RELA: variants seen among roughly 807,000 people sequenced by gnomAD.
RELA encodes transcription factor p65.
RELA carries 14 observed loss-of-function variants against 56.7 expected under a neutral mutation model. The ratio of observed to expected loss-of-function variants is 0.25; its 90% CI spans 0.16 to 0.39. The LOEUF is 0.39. RELA is among the 10% of genes least tolerant of loss of function. The pLI is 1.00. For missense variants in RELA, 559 were observed against 736.4 expected (o/e 0.76, Z 2.79); for synonymous variants, 315 against 289.7 (o/e 1.09, Z -0.89).
chr11:65,662,958 C>T (rs1442277485), upstream of RELA: 45 of 796,778 alleles, frequency 5.6e-5, no homozygotes, highest in Non-Finnish European at 7.0e-5. Context: ...CGGAATCCGG[C>T]CGCGCCTGCG....
At chr11:65,655,818 C>T (rs1273689956) in intron 9 of RELA, 37 bp downstream of exon 9, 2 of 1,613,318 alleles carry the variant, frequency 1.2e-6, no homozygotes, top group African/African-American at 1.3e-5. Flanking sequence ...TCCCTGCCCG[C>T]TGCCTTCCTC....
At position 65,662,059 on chromosome 11, in the gene RELA, C is replaced by T; in HGVS notation, c.64G>A (p.Glu22Lys). 3 of 1,612,500 alleles carry T rather than the reference C, an allele frequency of 1.9e-6. No homozygotes were observed. The highest frequency in any genetic ancestry group is 2.5e-6 in the Non-Finnish European group (3 of 1,179,522). ...CGCTGCTTGGGCTGCTCAATGATCTCCACATAGGGGCCAGAGGCCTGGGCT... is the reference window on the plus strand; with the variant it reads ...CGCTGCTTGGGCTGCTCAATGATCTTCACATAGGGGCCAGAGGCCTGGGCT... ...EPAQASGPYV[E>K]IIEQPKQRGM... The change falls in exon 3 of 11, where the codon GAG becomes AAG. Residue 22 changes from glutamate to lysine, a missense_variant. Glu to Lys is a moderately conservative substitution (Grantham distance 56, BLOSUM62 1). Around this residue, in one of 4 missense-constraint regions of RELA, gnomAD observed 24 missense variants for 75.5 expected, o/e 0.32. Coordinates refer to ENST00000406246, the MANE Select transcript of RELA (RefSeq NM_021975.4).
rs139411851 is a variant in RELA, at chr11:65,656,615, G to GC, written c.878-681dup. 3.2e-3 allele frequency among the ~76,000 whole-genome samples: 486 copies of GC among 152,326 alleles called. 4 individuals carry two copies. The highest frequency in any genetic ancestry group is 0.011 in the African/African-American group (451 of 41,582). On this transcript the variant is annotated intron_variant, in intron 8 of 10. Coordinates refer to ENST00000406246, the MANE Select transcript of RELA (RefSeq NM_021975.4). ...TATATTTATCAAGCACCTACTATGT[G>GC]CCAGCCTCCCTTCTAGACACTGGGG...
At position 65,659,725 on chromosome 11, in the gene RELA, T is replaced by G. The variant is rs1590936944; in HGVS notation, c.500A>C (p.Asp167Ala). The change falls in exon 6 of 11, where the codon GAC becomes GCC. Residue 167 changes from aspartate to alanine, a missense_variant. Around this residue, in one of 4 missense-constraint regions of RELA, gnomAD observed 149 missense variants for 256.0 expected, o/e 0.58. Transcript: ENST00000406246. ...CAGGCGGAGGGGCCTGCCTGATGGG[T>G]CCCGCACTGTCACCTGGAAGCAGAG... The part of the protein sequence containing the change: ...VRLCFQVTVR[D>A]PSGRPLRLPP... The G allele has an allele frequency of 6.2e-7, 1 of 1,613,854 alleles. No individual in the cohort carries two copies. Among genetic ancestry groups the G allele is most frequent in the East Asian group, 2.2e-5 (1 of 44,876 alleles).
At position 65,661,958 on chromosome 11, in the gene RELA, G is replaced by A. The variant is rs1469816938; in HGVS notation, c.165C>T (p.Thr55=). ...TGACCTTGATGGTGGGGTGGGTCTT[G>A]GTGGTATCTGTGCTCCTCTCGCCTG... is the stretch of plus-strand genomic sequence containing the variant. ...SIPGERSTDT[T]KTHPTIKING... is the part of the protein sequence containing the mutation. Residue 55 remains threonine (T), a synonymous_variant, in exon 3 of 11, where the codon ACC becomes ACT. Transcript: ENST00000406246. The A allele has an allele frequency of 2.5e-6, 4 of 1,613,700 alleles. No individual in the cohort carries two copies. Among genetic ancestry groups the A allele is most frequent in the Non-Finnish European group, 3.4e-6 (4 of 1,179,916 alleles).
intron 8 of RELA, among the ~76,000 whole-genome samples, chr11:65,656,881 C>T (rs112930381): frequency 0.041 from 6,264 of 152,100 alleles, 444 homozygotes; most frequent in African/African-American, 0.14. Context: ...AAAAATTAGC[C>T]GGATGTGGTG....
rs1294624505 is a variant in RELA, at chr11:65,662,898, A to G, written c.-66T>C. The G allele has an allele frequency of 8.6e-7, 1 of 1,164,808 alleles. No homozygotes were observed. Among genetic ancestry groups the G allele is most frequent in the Non-Finnish European group, 1.1e-6 (1 of 940,820 alleles). The allele number at this position is 1,164,808 out of a possible 1,614,324, so 72.2% of individuals were successfully genotyped here. A position where few individuals can be genotyped will look rare whatever the true frequency, so the allele number is the denominator to read the frequency against. ...CCGCGGCGTGCACTACAGACGAGCC[A>G]TTCGCCAGAGGCGGAAATGCGCCGC... On this transcript the variant is annotated 5_prime_UTR_variant, in exon 1 of 11. The change abolishes an upstream ATG in the 5' untranslated region. Coordinates refer to ENST00000406246, the MANE Select transcript of RELA (RefSeq NM_021975.4).
intron 1 of RELA, 39 bp downstream of exon 1, chr11:65,662,787 C>T: frequency 8.4e-7 from 1 of 1,197,262 alleles, no homozygotes; most frequent in Non-Finnish European, 1.0e-6. Context: ...CGCGGCGGCC[C>T]CGGCGATGCC....
chr11:65,661,480 C>T, intron 4 of RELA: 1 of 483,608 alleles, frequency 2.1e-6, no homozygotes, highest in East Asian at 3.1e-5. Context: ...TGATTAGGGA[C>T]CCATCCGTAT....
In RELA at chr11:65,662,164, G is replaced by C. The variant is rs1193103737; in HGVS notation, c.34+15C>G. On this transcript the variant is annotated intron_variant, in intron 2 of 10. Coordinates refer to ENST00000406246, the MANE Select transcript of RELA (RefSeq NM_021975.4). ...CCCAGGGAGCACCTCCCCGACCGCCGCGGGGGCCACTTACCTGCCGGGAAG... is the reference window on the plus strand; with the variant it reads ...CCCAGGGAGCACCTCCCCGACCGCCCCGGGGGCCACTTACCTGCCGGGAAG... 6.3e-7 allele frequency: 1 copy of C among 1,589,110 alleles called. No homozygotes were observed.
intron 4 of RELA, 132 bp downstream of exon 4, chr11:65,661,555 T>C: frequency 1.3e-6 from 1 of 784,042 alleles, no homozygotes; most frequent in Non-Finnish European, 2.0e-6. Context: ...GGCAGTTTAC[T>C]TGCAGAGCTG....
At chr11:65,660,526 A>G (rs987692071) in intron 4 of RELA, 4 of 372,986 alleles carry the variant, frequency 1.1e-5, no homozygotes, top group African/African-American at 2.1e-5. Flanking sequence ...TCGGCTTGGA[A>G]TGTTCTTTTC....
At chr11:65,659,899 G>C in intron 5 of RELA, 102 bp from the exon 6 acceptor site, 1 of 1,437,720 alleles carries the variant, frequency 7.0e-7, no homozygotes. Context: ...TGGTGCGTGT[G>C]TGAAACACAA....
chr11:65,662,632 C>T, intron 1 of RELA, 194 bp downstream of exon 1: 1 of 386,154 alleles, frequency 2.6e-6, no homozygotes, highest in Admixed American at 4.7e-5. Context: ...TCAAGGGCCA[C>T]CCCCTCCACC....
rs752813820 is a variant in RELA, at chr11:65,655,904, T to C, written c.909A>G (p.Lys303=). ...DDRHRIEEKR[K]RTYETFKSIM... is the part of the protein sequence containing the mutation. ...TGCTCTTGAAGGTCTCATATGTCCT[T>C]TTACGTTTCTCCTCAATCCGGTGAC... is the stretch of plus-strand genomic sequence containing the variant. Residue 303 remains lysine (K), a synonymous_variant, in exon 9 of 11, where the codon AAA becomes AAG. Transcript: ENST00000406246. 7 of 1,614,126 alleles carry C rather than the reference T, an allele frequency of 4.3e-6. No individual in the cohort carries two copies. Among genetic ancestry groups the C allele is most frequent in the Non-Finnish European group, 5.9e-6 (7 of 1,180,018 alleles).
intron 1 of RELA, 41 bp downstream of exon 1, chr11:65,662,785 C>T (rs1156998095): frequency 2.4e-5 from 29 of 1,195,554 alleles, no homozygotes; most frequent in Non-Finnish European, 2.9e-5. Flanking sequence ...GCCGCGGCGG[C>T]CCCGGCGATG....
Position 65,654,011 on chromosome 11 carries a change from G to C in RELA, c.*367C>G. On this transcript the variant is annotated 3_prime_UTR_variant, in exon 11 of 11. Coordinates refer to ENST00000406246, the MANE Select transcript of RELA (RefSeq NM_021975.4). ...GATGGAAGACACTTGATAAGGCTTTGTGGGCTCAAAGGCCTTACCTCCAGC... is the reference window on the plus strand; with the variant it reads ...GATGGAAGACACTTGATAAGGCTTTCTGGGCTCAAAGGCCTTACCTCCAGC... 1 of 345,068 alleles carries C rather than the reference G, an allele frequency of 2.9e-6. No homozygotes were observed. The highest frequency in any genetic ancestry group is 4.6e-5 in the Admixed American group (1 of 21,840). The allele number at this position is 345,068 out of a possible 1,614,324, so 21.4% of individuals were successfully genotyped here.
chr11:65,663,316 C>G (rs77113330), upstream of RELA, among the ~76,000 whole-genome samples: 1 of 152,232 alleles, frequency 6.6e-6, no homozygotes, highest in African/African-American at 2.4e-5. Flanking sequence ...GCCTTCTGCT[C>G]CGCAGAGGCC....
chr11:65,654,687 G>C lies in RELA; in HGVS notation c.1347C>G (p.Asp449Glu), dbSNP rs780580304. 2 of 1,547,626 alleles carry C rather than the reference G, an allele frequency of 1.3e-6. No individual in the cohort carries two copies. Among genetic ancestry groups the C allele is most frequent in the South Asian group, 1.2e-5 (1 of 80,374 alleles). Residue 449 changes from aspartate to glutamate, a missense_variant, in exon 11 of 11, where the codon GAC becomes GAG. Physicochemically the swap from Asp to Glu is conservative, Grantham distance 45 (BLOSUM62 2). Coordinates refer to ENST00000406246, the MANE Select transcript of RELA (RefSeq NM_021975.4). Reference protein sequence around the residue: ...ALLQLQFDDEDLGALLGNSTD... With the variant: ...ALLQLQFDDEELGALLGNSTD... ...TGCTGTTGCCAAGCAAGGCCCCCAG[G>C]TCTTCATCATCAAACTGCAGCTGCA...
Sources: allele counts gnomAD v4.1 joint callset (sites outside exome capture counted in the v4.1 genomes callset), GRCh38; gene constraint gnomAD v4.1.1; regional missense constraint gnomAD v4.1.1; transcripts MANE v1.5; gene names NCBI Gene and HGNC (gene_info 2026-07-23, HGNC 2026-07-21).